Variants in ALK observed in about 807,000 individuals in gnomAD.
ALK encodes ALK tyrosine kinase receptor.
Under a neutral mutation model 163.1 loss-of-function variants are expected in ALK, and 74 were observed. The ratio of observed to expected loss-of-function variants is 0.45; its 90% CI spans 0.38 to 0.55. The LOEUF is 0.55. ALK is among the 20% of genes least tolerant of loss of function. The pLI is 0.00. For missense variants in ALK, 2,063 were observed against 2,105.3 expected, an observed-to-expected ratio of 0.98 and a Z score of 0.39; for synonymous variants, 960 against 843.2, an observed-to-expected ratio of 1.14 and a Z score of -2.40.
rs886244583 is a variant in ALK, at chr2:29,246,385, C to T, written c.2204+4720G>A. Among the ~76,000 whole-genome samples the T allele has an allele frequency of 1.3e-5, 2 of 152,148 alleles. No individual in the cohort carries two copies. The highest frequency in any genetic ancestry group is 2.1e-4 in the South Asian group (1 of 4,828). ...ATCATCTGTCTCCATTTTATGACAA[C>T]ACGAGGATGCTGTCCCCCTCCCCAG... On this transcript the variant is annotated intron_variant, in intron 12 of 28. Transcript: ENST00000389048. The surrounding 1 kb of genome is among the most constrained non-coding windows in gnomAD (Gnocchi z 4.3).
intron 3 of ALK, among the ~76,000 whole-genome samples, chr2:29,689,800 A>G (rs1678342723): frequency 6.6e-6 from 1 of 152,208 alleles, no homozygotes; most frequent in Non-Finnish European, 1.5e-5. Context: ...CCGATAACAC[A>G]TGTCCCGTTA....
Position 29,251,112 on chromosome 2 carries a change from T to A in ALK, c.2197A>T (p.Thr733Ser), listed in dbSNP as rs2148197207. The change falls in exon 12 of 29, where the codon ACC becomes TCC. Residue 733 changes from threonine (T) to serine (S), a missense_variant. Physicochemically the swap from Thr to Ser is moderately conservative, Grantham distance 58. Transcript: ENST00000389048. Reference protein sequence around the residue: ...IQIWKVPATDTYSISGYGAAG... With the variant: ...IQIWKVPATDSYSISGYGAAG... The stretch of plus-strand genomic sequence containing the variant: ...CCCCTCTTCCATACGCACCTGTAGG[T>A]GTCGGTGGCTGGCACCTTCCAGATC... 1.2e-6 allele frequency: 2 copies of A among 1,613,944 alleles called. No homozygotes were observed. Among genetic ancestry groups the A allele is most frequent in the Non-Finnish European group, 1.7e-6 (2 of 1,179,962 alleles).
At chr2:29,867,823 A>C (rs1309503883) in intron 1 of ALK, among the ~76,000 whole-genome samples, 1 of 152,170 alleles carries the variant, frequency 6.6e-6, no homozygotes, top group Non-Finnish European at 1.5e-5. Flanking sequence ...CATGCTTCTC[A>C]GGGTTGTTCT....
chr2:29,920,369 C>T lies in ALK; in HGVS notation c.291G>A (p.Pro97=), dbSNP rs2148443574. The stretch of plus-strand genomic sequence containing the variant: ...GCGCCGGCCCCAGCAACCTGAGCAG[C>T]GGGGCGCAGTCCAGAGCTAGCGAGC... ...ARGSLALDCA[P]LLRLLGPAPG... Residue 97 remains proline (P), a synonymous_variant, in exon 1 of 29, where the codon CCG becomes CCA. Transcript: ENST00000389048. The T allele has an allele frequency of 6.4e-7, 1 of 1,557,106 alleles. No individual in the cohort carries two copies. The highest frequency in any genetic ancestry group is 8.7e-7 in the Non-Finnish European group (1 of 1,151,636).
intron 1 of ALK, among the ~76,000 whole-genome samples, chr2:29,861,715 T>A (rs1373781304): frequency 2.6e-5 from 4 of 152,132 alleles, no homozygotes; most frequent in Non-Finnish European, 5.9e-5. Context: ...AAGAAGAGCT[T>A]ATACTAATCC....
chr2:29,512,752 C>T (rs199601900), intron 4 of ALK, among the ~76,000 whole-genome samples: 50,886 of 143,496 alleles, frequency 0.35, 10,178 homozygotes, highest in South Asian at 0.54. Flanking sequence ...GAAAACCCCA[C>T]TGTCTCAGCC....
chr2:29,845,737 T>A (rs1269838281), intron 1 of ALK, among the ~76,000 whole-genome samples: 1 of 152,158 alleles, frequency 6.6e-6, no homozygotes, highest in Non-Finnish European at 1.5e-5. Context: ...CCCGGACACA[T>A]TTTTTAACCT....
intron 11 of ALK, among the ~76,000 whole-genome samples, chr2:29,260,704 G>T (rs985267855): frequency 2.6e-5 from 4 of 151,928 alleles, no homozygotes; most frequent in African/African-American, 9.7e-5. Flanking sequence ...GTATGGTGGT[G>T]GGTGCCTATG....
chr2:29,761,248 C>T (rs190454455), intron 1 of ALK, among the ~76,000 whole-genome samples: 44 of 152,178 alleles, frequency 2.9e-4, no homozygotes, highest in Middle Eastern at 3.4e-3. Context: ...AAATTTGGGA[C>T]GTAGTAAAGT....
In ALK at chr2:29,843,278, C is replaced by T. The variant is rs556612291; in HGVS notation, c.667+76715G>A. On this transcript the variant is annotated intron_variant, in intron 1 of 28. Transcript: ENST00000389048. ...AGAATTATTGGTAGTGAAATTTTGC[C>T]CTACTTTACACCTACTCCCACATAC... is the stretch of plus-strand genomic sequence containing the variant. Among the ~76,000 whole-genome samples the T allele has an allele frequency of 2.0e-4, 30 of 152,044 alleles. No homozygotes were observed. The East Asian group carries it at 2.9e-3, about 15-fold the overall frequency.
intron 4 of ALK, among the ~76,000 whole-genome samples, chr2:29,493,963 A>C (rs1185893556): frequency 1.3e-5 from 2 of 152,208 alleles, no homozygotes; most frequent in African/African-American, 4.8e-5. Flanking sequence ...GAGGAGACAC[A>C]GTGGGGTGGA....
intron 1 of ALK, among the ~76,000 whole-genome samples, chr2:29,769,742 C>T (rs953329703): frequency 1.3e-5 from 2 of 152,058 alleles, no homozygotes; most frequent in Non-Finnish European, 2.9e-5. Flanking sequence ...AAATGTGCAT[C>T]GAGATGCTAC....
At chr2:29,895,054 T>G (rs188627249) in intron 1 of ALK, among the ~76,000 whole-genome samples, 1 of 152,030 alleles carries the variant, frequency 6.6e-6, no homozygotes, top group African/African-American at 2.4e-5. Context: ...TTCTGAAGAC[T>G]TAATATCAAG....
At chr2:29,628,300 A>G (rs1676255484) in intron 3 of ALK, among the ~76,000 whole-genome samples, 1 of 152,192 alleles carries the variant, frequency 6.6e-6, no homozygotes, top group Non-Finnish European at 1.5e-5. Flanking sequence ...CCACAAGTAA[A>G]ATTTACAAAT....
intron 1 of ALK, among the ~76,000 whole-genome samples, chr2:29,769,456 G>A (rs546683024): frequency 6.6e-6 from 1 of 152,198 alleles, no homozygotes; most frequent in South Asian, 2.1e-4. Context: ...TTGGCTCCCT[G>A]TGGTTGGACA....
intron 4 of ALK, among the ~76,000 whole-genome samples, chr2:29,517,802 GT>G (rs1285371704): frequency 6.6e-6 from 1 of 152,144 alleles, no homozygotes; most frequent in African/African-American, 2.4e-5. Context: ...TGTATGCTTT[GT>G]TTTACCTCCA....
chr2:29,374,432 GAA>G (rs34034791), intron 5 of ALK, among the ~76,000 whole-genome samples: 4 of 139,050 alleles, frequency 2.9e-5, no homozygotes, highest in African/African-American at 5.3e-5. Flanking sequence ...TGCTTGCCAT[GAA>G]AAAAAAAAAA....
intron 8 of ALK, among the ~76,000 whole-genome samples, chr2:29,297,313 T>C (rs1666221296): frequency 6.6e-6 from 1 of 152,210 alleles, no homozygotes. Context: ...TTTGGAACTT[T>C]GTTCAGGTTG....
intron 3 of ALK, among the ~76,000 whole-genome samples, chr2:29,545,405 G>C (rs1673527838): frequency 6.6e-6 from 1 of 152,194 alleles, no homozygotes; most frequent in African/African-American, 2.4e-5. Flanking sequence ...TTAGTTGTTA[G>C]AGCAGAATTT....
Sources: allele counts gnomAD v4.1 joint callset (sites outside exome capture counted in the v4.1 genomes callset), GRCh38; gene constraint gnomAD v4.1.1; non-coding constraint Gnocchi (gnomAD v3.1); transcripts MANE v1.5; gene names NCBI Gene and HGNC (gene_info 2026-07-23, HGNC 2026-07-21).